DISP1: variants seen among roughly 807,000 people sequenced by gnomAD.
DISP1 encodes protein dispatched homolog 1.
A neutral mutation model predicts 37.3 loss-of-function variants in DISP1; 30 were observed. That is an observed-to-expected ratio of 0.80 (90% CI 0.60 to 1.09). The LOEUF is 1.09. Among genes scored for constraint, DISP1 ranks in the 50% least tolerant of loss-of-function variants. The pLI is 0.00. For synonymous variants in DISP1, 634 were observed against 690.2 expected, an observed-to-expected ratio of 0.92 and a Z score of 1.28; for missense variants, 1,598 against 1,879.5, an observed-to-expected ratio of 0.85 and a Z score of 2.77.
intron 8 of DISP1, among the ~76,000 whole-genome samples, chr1:222,995,756 A>G (rs75078867): frequency 0.016 from 2,386 of 152,138 alleles, 54 homozygotes; most frequent in African/African-American, 0.054. Context: ...CATAAAAGGA[A>G]CTCTTTGTGT....
chr1:222,824,908 G>A (rs1663924936), intron 1 of DISP1, among the ~76,000 whole-genome samples: 1 of 152,146 alleles, frequency 6.6e-6, no homozygotes, highest in African/African-American at 2.4e-5. Context: ...AGCTGAAAAG[G>A]ATAATGGAGG....
intron 1 of DISP1, among the ~76,000 whole-genome samples, chr1:222,817,861 C>A (rs762273782): frequency 1.3e-5 from 2 of 152,146 alleles, no homozygotes; most frequent in Non-Finnish European, 2.9e-5. Context: ...AGCCTATAGG[C>A]ATGTAGTTAT....
At chr1:222,867,086 A>G (rs1395386917) in intron 1 of DISP1, among the ~76,000 whole-genome samples, 2 of 152,194 alleles carry the variant, frequency 1.3e-5, no homozygotes, top group African/African-American at 4.8e-5. Flanking sequence ...CACATTTTAA[A>G]TACTTGGTAA....
At chr1:222,891,843 G>A (rs565811197) in intron 1 of DISP1, among the ~76,000 whole-genome samples, 31 of 152,150 alleles carry the variant, frequency 2.0e-4, no homozygotes, top group African/African-American at 7.0e-4. Context: ...AAAGGCCAAT[G>A]GAGAAGAAGA....
intron 1 of DISP1, among the ~76,000 whole-genome samples, chr1:222,903,938 C>T (rs1040924992): frequency 6.6e-6 from 1 of 152,148 alleles, no homozygotes; most frequent in Non-Finnish European, 1.5e-5. Context: ...CAAATTTGTG[C>T]TTAAATACAT....
At chr1:222,986,510 A>G (rs558077455) in intron 4 of DISP1, among the ~76,000 whole-genome samples, 1 of 152,322 alleles carries the variant, frequency 6.6e-6, no homozygotes, top group African/African-American at 2.4e-5. Flanking sequence ...AAAATCTCTG[A>G]CTATGTTTGA....
chr1:222,819,823 G>A (rs1337520215), intron 1 of DISP1, among the ~76,000 whole-genome samples: 1 of 152,120 alleles, frequency 6.6e-6, no homozygotes, highest in African/African-American at 2.4e-5. Flanking sequence ...TTACAGGCAT[G>A]AGCCACTGCG....
chr1:222,913,032 C>T (rs1165489343), intron 1 of DISP1, among the ~76,000 whole-genome samples: 1 of 151,916 alleles, frequency 6.6e-6, no homozygotes, highest in Non-Finnish European at 1.5e-5. Context: ...AAAATGAAAA[C>T]AAAAACAAGA....
At chr1:222,974,444 T>C (rs2102656348) in intron 3 of DISP1, among the ~76,000 whole-genome samples, 1 of 152,342 alleles carries the variant, frequency 6.6e-6, no homozygotes, top group East Asian at 1.9e-4. Flanking sequence ...TTATTCAATA[T>C]ATGCTACATT....
At chr1:222,991,669 T>C (rs1209977498) in intron 6 of DISP1, 22 bp downstream of exon 6, 5 of 1,604,946 alleles carry the variant, frequency 3.1e-6, no homozygotes, top group Middle Eastern at 3.6e-4. Context: ...TTTATTTTTA[T>C]ATAACTTTTA....
Position 222,985,319 on chromosome 1 carries a change from T to C in DISP1, c.539+2210T>C, listed in dbSNP as rs575505734. On this transcript the variant is annotated intron_variant, in intron 4 of 8. Transcript: ENST00000675850. ...TGGCTGGAACTTATTGCTTCCCTTA[T>C]TGAATTCACAAAACATTTCATCTGT... is the stretch of plus-strand genomic sequence containing the variant. 3.0e-3 allele frequency among the ~76,000 whole-genome samples: 453 copies of C among 152,344 alleles called. 4 individuals carry two copies. Among genetic ancestry groups the C allele is most frequent in the African/African-American group, 0.011 (441 of 41,584 alleles).
chr1:222,851,087 CAG>C (rs1416686083), intron 1 of DISP1, among the ~76,000 whole-genome samples: 1 of 121,104 alleles, frequency 8.3e-6, no homozygotes, highest in Non-Finnish European at 1.7e-5. Flanking sequence ...TTTTTTGAGA[CAG>C]AGTTTCCACT....
rs1000834834 is a variant in DISP1 at position 222,989,615 on chromosome 1, G to A, written c.540-1010G>A. The A allele has an allele frequency of 1.3e-5, 12 of 953,060 alleles. No individual in the cohort carries two copies. The African/African-American group carries it at 2.1e-4, about 17-fold the overall frequency. 59.0% of individuals were successfully genotyped at this position (953,060 alleles called of 1,614,324 possible). Reference sequence around the variant, plus strand: ...AGACAGTTCTGCACATGTGGGAAGAGACTAAAACCAGATTGTAGTAGCTGG... The same window carrying A: ...AGACAGTTCTGCACATGTGGGAAGAAACTAAAACCAGATTGTAGTAGCTGG... On this transcript the variant is annotated intron_variant, in intron 4 of 8. Coordinates refer to ENST00000675850, the MANE Select transcript of DISP1 (RefSeq NM_001377229.1).
In DISP1 at chr1:222,942,874, C is replaced by T. The variant is rs1481527113; in HGVS notation, c.51C>T (p.Ser17=). Residue 17 remains serine, a synonymous_variant, in exon 3 of 9, where the codon AGC becomes AGT. Coordinates refer to ENST00000675850, the MANE Select transcript of DISP1 (RefSeq NM_001377229.1). ...ATTTTGTGGTTCTGAGCAACAGCAG[C>T]ATCGCAACCAGTGCTGCTAACCCGA... ...NNDFVVLSNS[S]IATSAANPSP... 7 of 1,614,058 alleles carry T rather than the reference C, an allele frequency of 4.3e-6. No individual in the cohort carries two copies. Among genetic ancestry groups the T allele is most frequent in the African/African-American group, 2.7e-5 (2 of 74,904 alleles).
chr1:222,844,450 C>T (rs1372172585), intron 1 of DISP1, among the ~76,000 whole-genome samples: 7 of 152,106 alleles, frequency 4.6e-5, no homozygotes, highest in Non-Finnish European at 1.0e-4. Context: ...ACTGACTAAT[C>T]TGCCTTCAGT....
intron 1 of DISP1, chr1:222,827,672 G>A (rs1021524949): frequency 6.6e-6 from 1 of 152,088 alleles, no homozygotes; most frequent in African/African-American, 2.4e-5. Flanking sequence ...GTCAGGGGTA[G>A]TTAGCTATCT....
chr1:222,969,475 T>C (rs910942566), intron 3 of DISP1, among the ~76,000 whole-genome samples: 1 of 151,850 alleles, frequency 6.6e-6, no homozygotes, highest in African/African-American at 2.4e-5. Context: ...GGAAAACTAT[T>C]TGCCACAATT....
intron 8 of DISP1, among the ~76,000 whole-genome samples, chr1:223,000,912 T>A (rs1283901633): frequency 6.6e-6 from 1 of 152,202 alleles, no homozygotes; most frequent in Non-Finnish European, 1.5e-5. Context: ...CACTTCCTCT[T>A]TGAACTTTGG....
chr1:222,828,843 A>AT (rs1665056118), intron 1 of DISP1, among the ~76,000 whole-genome samples: 1 of 152,164 alleles, frequency 6.6e-6, no homozygotes, highest in Admixed American at 6.5e-5. Context: ...TTAAAAAAAA[A>AT]TTTTAAGTAC....
Sources: allele counts gnomAD v4.1 joint callset (sites outside exome capture counted in the v4.1 genomes callset), GRCh38; gene constraint gnomAD v4.1.1; transcripts MANE v1.5; gene names NCBI Gene and HGNC (gene_info 2026-07-23, HGNC 2026-07-21).